Variants in PKP4 observed in about 807,000 individuals in gnomAD.
PKP4 encodes plakophilin-4.
Under a neutral mutation model 145.1 loss-of-function variants are expected in PKP4, and 90 were observed. That is an observed-to-expected ratio of 0.62 (90% CI 0.52 to 0.74). PKP4 has a LOEUF of 0.74. PKP4 is among the 30% of genes least tolerant of loss of function. The pLI is 0.00. For missense variants in PKP4, 1,340 were observed against 1,482.7 expected (o/e 0.90, Z 1.58); for synonymous variants, 563 against 577.2 (o/e 0.98, Z 0.35).
At chr2:158,613,765 C>T (rs1222284685) in intron 4 of PKP4, among the ~76,000 whole-genome samples, 3 of 152,134 alleles carry the variant, frequency 2.0e-5, no homozygotes, top group Non-Finnish European at 4.4e-5. Flanking sequence ...TACATGGCAC[C>T]ATTCATAAAG....
intron 1 of PKP4, among the ~76,000 whole-genome samples, chr2:158,511,936 T>C (rs759546277): frequency 1.1e-4 from 17 of 152,178 alleles, no homozygotes; most frequent in Non-Finnish European, 2.4e-4. Flanking sequence ...ATGGGTAGTA[T>C]TAAAGCCAGC....
At chr2:158,673,600 A>T (rs1425141886) in intron 17 of PKP4, 77 bp from the exon 18 acceptor site, 2 of 1,090,074 alleles carry the variant, frequency 1.8e-6, no homozygotes, top group Non-Finnish European at 2.8e-6. Context: ...TTGGCCACTG[A>T]TTTTCATCCT....
chr2:158,623,755 A>C (rs1040580021), intron 6 of PKP4, among the ~76,000 whole-genome samples: 5 of 151,906 alleles, frequency 3.3e-5, no homozygotes, highest in Non-Finnish European at 7.4e-5. Flanking sequence ...TTACCTCCCC[A>C]CCTAAAAGTG....
chr2:158,676,705 CCCTCTTT>C, intron 19 of PKP4, 27 bp from the exon 20 acceptor site: 1 of 1,613,150 alleles, frequency 6.2e-7, no homozygotes, highest in Non-Finnish European at 8.5e-7. Flanking sequence ...CTCTTTCTAC[CCCTCTTT>C]CTCTCCTCCT....
rs1055168188 is a variant in PKP4 at position 158,631,683 on chromosome 2, A to C, written c.1154-70A>C. ...TGGGATTACAGGGGTTAGGAATTTA[A>C]TTAGGGTTTATGTTTTTAACCTCAC... is the stretch of plus-strand genomic sequence containing the variant. On this transcript the variant is annotated intron_variant, in intron 7 of 21. Coordinates refer to ENST00000389759, the MANE Select transcript of PKP4 (RefSeq NM_003628.6). The C allele has an allele frequency of 3.0e-6, 4 of 1,328,728 alleles. No individual in the cohort carries two copies. In the African/African-American group the frequency reaches 5.8e-5, roughly 19 times the overall value. 82.3% of individuals were successfully genotyped at this position (1,328,728 alleles called of 1,614,324 possible).
intron 2 of PKP4, among the ~76,000 whole-genome samples, chr2:158,537,127 A>C (rs1360575426): frequency 6.6e-6 from 1 of 152,238 alleles, no homozygotes; most frequent in African/African-American, 2.4e-5. Flanking sequence ...ACCTGTAGCC[A>C]CGTTCACAGA....
intron 2 of PKP4, among the ~76,000 whole-genome samples, chr2:158,560,688 TA>T (rs2046440717): frequency 6.6e-6 from 1 of 152,204 alleles, no homozygotes; most frequent in Non-Finnish European, 1.5e-5. Flanking sequence ...TAAAAATTTA[TA>T]TTTTACTTTA....
At chr2:158,471,450 A>G (rs1294668466) in intron 1 of PKP4, among the ~76,000 whole-genome samples, 2 of 152,250 alleles carry the variant, frequency 1.3e-5, no homozygotes, top group African/African-American at 4.8e-5. Context: ...TTTCTGGATC[A>G]TGAGATCTAT....
intron 20 of PKP4, 183 bp downstream of exon 20, chr2:158,677,050 C>G (rs2058075258): frequency 2.8e-6 from 2 of 704,768 alleles, no homozygotes; most frequent in South Asian, 3.0e-5. Context: ...TAAAGTAAAA[C>G]AAGCATGTAC....
intron 3 of PKP4, among the ~76,000 whole-genome samples, chr2:158,581,029 A>G (rs763934483): frequency 1.2e-4 from 18 of 152,214 alleles, no homozygotes; most frequent in Non-Finnish European, 2.5e-4. Flanking sequence ...CCTTAAGTCC[A>G]GGATGCTTCG....
intron 1 of PKP4, among the ~76,000 whole-genome samples, chr2:158,484,461 T>A (rs528830603): frequency 6.6e-6 from 1 of 152,348 alleles, no homozygotes; most frequent in East Asian, 1.9e-4. Context: ...CTGTCCTGAT[T>A]TGGTGAATGT....
At chr2:158,485,863 C>A (rs1694092499) in intron 1 of PKP4, among the ~76,000 whole-genome samples, 5 of 152,066 alleles carry the variant, frequency 3.3e-5, no homozygotes. Flanking sequence ...TCCTTAATGT[C>A]AATAATTAAA....
chr2:158,496,822 G>C (rs1695813037), intron 1 of PKP4, among the ~76,000 whole-genome samples: 1 of 146,460 alleles, frequency 6.8e-6, no homozygotes, highest in Non-Finnish European at 1.5e-5. Context: ...CTCTGTCTCT[G>C]TCTCTTCTTT....
chr2:158,631,604 T>C, intron 7 of PKP4, 149 bp from the exon 8 acceptor site: 1 of 704,008 alleles, frequency 1.4e-6, no homozygotes, highest in East Asian at 2.5e-5. Context: ...GTTCCCAGAC[T>C]GGTCTCAAAT....
intron 9 of PKP4, among the ~76,000 whole-genome samples, chr2:158,636,172 C>T (rs2053793183): frequency 6.6e-6 from 1 of 152,066 alleles, no homozygotes; most frequent in South Asian, 2.1e-4. Context: ...TTCCCTTTGG[C>T]CTAAAGAACT....
At chr2:158,623,723 C>T (rs1223087977) in intron 6 of PKP4, among the ~76,000 whole-genome samples, 1 of 152,172 alleles carries the variant, frequency 6.6e-6, no homozygotes, top group Non-Finnish European at 1.5e-5. Context: ...ACAAAGCCCT[C>T]ATCTGATCCC....
chr2:158,676,856 G>A lies in PKP4; in HGVS notation c.3245G>A (p.Gly1082Asp), dbSNP rs1406591183. The A allele has an allele frequency of 1.2e-6, 2 of 1,614,016 alleles. No homozygotes were observed. Among genetic ancestry groups the A allele is most frequent in the Admixed American group, 1.7e-5 (1 of 60,012 alleles). The stretch of plus-strand genomic sequence containing the variant: ...AGCCAAGGGGATGCCACACATAAAG[G>A]CCTGTACCCTGGTAAGACGCCAGTT... ...YNSQGDATHK[G>D]LYPGSSKPSP... The change falls in exon 20 of 22, where the codon GGC becomes GAC. Residue 1082 changes from glycine to aspartate, a missense_variant. By Grantham distance (94) the Gly-to-Asp change is moderately conservative (BLOSUM62 -1). Transcript: ENST00000389759.
chr2:158,494,244 C>CTT, intron 1 of PKP4, among the ~76,000 whole-genome samples: 1 of 145,316 alleles, frequency 6.9e-6, no homozygotes, highest in African/African-American at 2.5e-5. Context: ...ATATTATGTA[C>CTT]TTTTTTTTTT....
rs878977508 is a variant in PKP4 at position 158,624,962 on chromosome 2, G to A, written c.688G>A (p.Val230Met). 3.7e-6 allele frequency: 6 copies of A among 1,613,950 alleles called. No individual in the cohort carries two copies. The highest frequency in any genetic ancestry group is 4.2e-6 in the Non-Finnish European group (5 of 1,179,978). The change falls in exon 7 of 22, where the codon GTG (valine) becomes ATG (methionine). Residue 230 changes from valine (V) to methionine (M), a missense_variant. By Grantham distance (21) the Val-to-Met change is conservative (BLOSUM62 1). Coordinates refer to ENST00000389759, the MANE Select transcript of PKP4 (RefSeq NM_003628.6). ...QSPSYVISTGVSPSRGSLRTS... is the reference protein window; with the variant it reads ...QSPSYVISTGMSPSRGSLRTS... ...TCCTTCTTATGTTATCAGCACAGGC[G>A]TGTCTCCTTCAAGGGGGTCTCTGAG...
Sources: gnomAD v4.1 joint callset for allele counts (sites outside exome capture counted in the v4.1 genomes callset) on GRCh38, gnomAD v4.1.1 for gene constraint, MANE v1.5 for transcripts, NCBI Gene and HGNC (gene_info 2026-07-23, HGNC 2026-07-21) for gene names.